Variants in OCA2 observed in about 807,000 individuals in gnomAD.
OCA2 encodes the protein OCA2 melanosomal transmembrane protein.
In OCA2, 77 loss-of-function variants were observed where a neutral mutation model predicts 100.2. The ratio of observed to expected loss-of-function variants is 0.77; its 90% CI spans 0.64 to 0.93. The LOEUF (loss-of-function observed/expected upper bound fraction) is 0.93. OCA2 is among the 40% of genes least tolerant of loss of function. The pLI, the probability that OCA2 is intolerant of heterozygous loss-of-function variation, is 0.00. For missense variants in OCA2, 1,062 were observed against 1,089.1 expected (o/e 0.98, Z 0.35); for synonymous variants, 432 against 439.2 (o/e 0.98, Z 0.21).
chr15:28,088,316 TCAAGA>T (rs1217681137), intron 1 of OCA2, among the ~76,000 whole-genome samples: 1 of 152,200 alleles, frequency 6.6e-6, no homozygotes, highest in Non-Finnish European at 1.5e-5. Flanking sequence ...GAGGGAATCA[TCAAGA>T]CAATTCTATA....
intron 2 of OCA2, among the ~76,000 whole-genome samples, chr15:28,066,055 T>C (rs2141710010): frequency 6.6e-6 from 1 of 152,304 alleles, no homozygotes; most frequent in East Asian, 1.9e-4. Context: ...ACTTAATAAG[T>C]TACTTTAGCA....
At chr15:28,071,735 G>C (rs577350638) in intron 2 of OCA2, among the ~76,000 whole-genome samples, 1 of 152,284 alleles carries the variant, frequency 6.6e-6, no homozygotes, top group East Asian at 1.9e-4. Flanking sequence ...ATTGAAGCTG[G>C]ACCCCTACCT....
chr15:27,849,837 A>C (rs1176557984), intron 22 of OCA2, among the ~76,000 whole-genome samples: 1 of 152,140 alleles, frequency 6.6e-6, no homozygotes, highest in East Asian at 1.9e-4. Context: ...ATTTTACCAT[A>C]ATTTCTGTAA....
chr15:27,951,401 G>A (rs2040022120), intron 18 of OCA2, among the ~76,000 whole-genome samples: 2 of 152,246 alleles, frequency 1.3e-5, no homozygotes, highest in South Asian at 4.1e-4. Context: ...GGCATGGTAG[G>A]CGGCACAGAT....
intron 19 of OCA2, among the ~76,000 whole-genome samples, chr15:27,918,742 G>T (rs2038758758): frequency 6.6e-6 from 1 of 152,082 alleles, no homozygotes; most frequent in East Asian, 1.9e-4. Flanking sequence ...ACATGTACCT[G>T]CACTATTGGA....
chr15:27,923,392 T>C (rs927645409), intron 19 of OCA2, among the ~76,000 whole-genome samples: 2 of 152,204 alleles, frequency 1.3e-5, no homozygotes, highest in African/African-American at 4.8e-5. Context: ...CTGAGTCAAA[T>C]GGCAATTCAG....
At chr15:27,846,825 G>C (rs989645407) in intron 22 of OCA2, among the ~76,000 whole-genome samples, 2 of 152,174 alleles carry the variant, frequency 1.3e-5, no homozygotes, top group African/African-American at 4.8e-5. Context: ...TACCGCCTGG[G>C]GCCTGCATGA....
intron 3 of OCA2, among the ~76,000 whole-genome samples, chr15:28,031,167 T>A (rs1158154698): frequency 6.6e-6 from 1 of 152,208 alleles, no homozygotes; most frequent in Non-Finnish European, 1.5e-5. Flanking sequence ...TCCTTCTACA[T>A]TTCTTTGTTT....
At chr15:28,018,941 A>G (rs952786051) in intron 6 of OCA2, among the ~76,000 whole-genome samples, 1 of 151,732 alleles carries the variant, frequency 6.6e-6, no homozygotes, top group Non-Finnish European at 1.5e-5. Flanking sequence ...TCAGGACCCC[A>G]CTCTTCATCA....
chr15:27,805,264 T>C (rs766536698), intron 23 of OCA2, among the ~76,000 whole-genome samples: 32 of 152,360 alleles, frequency 2.1e-4, no homozygotes, highest in Non-Finnish European at 3.8e-4. Context: ...CCGCCGTCTT[T>C]ACATTTTCAT....
chr15:27,954,150 CACACACA>C (rs759652205), intron 17 of OCA2, among the ~76,000 whole-genome samples: 3 of 147,744 alleles, frequency 2.0e-5, no homozygotes, highest in Non-Finnish European at 4.5e-5. Flanking sequence ...CACACACACA[CACACACA>C]CACCTAGGGT....
At chr15:28,072,212 A>G (rs894109374) in intron 2 of OCA2, among the ~76,000 whole-genome samples, 7 of 151,824 alleles carry the variant, frequency 4.6e-5, no homozygotes, top group Non-Finnish European at 8.8e-5. Context: ...CTAAAAATAC[A>G]AAAAAATTAG....
intron 18 of OCA2, among the ~76,000 whole-genome samples, chr15:27,946,964 C>T (rs555369816): frequency 1.3e-5 from 2 of 152,198 alleles, no homozygotes; most frequent in African/African-American, 4.8e-5. Context: ...GAAGGAGTGC[C>T]GCTCAGAGAG....
chr15:27,963,353 C>G (rs774408665), intron 15 of OCA2, among the ~76,000 whole-genome samples: 3 of 152,096 alleles, frequency 2.0e-5, no homozygotes, highest in Non-Finnish European at 4.4e-5. Context: ...CTAGTGCACA[C>G]AGAATGTTTA....
At chr15:28,077,855 G>C (rs2044482288) in intron 2 of OCA2, among the ~76,000 whole-genome samples, 1 of 152,202 alleles carries the variant, frequency 6.6e-6, no homozygotes, top group African/African-American at 2.4e-5. Context: ...ACCGAGGCAG[G>C]TGGATCACGA....
At chr15:27,722,533 GA>G in the OCA2 span, among the ~76,000 whole-genome samples, 6 of 152,064 alleles carry the variant, frequency 3.9e-5, no homozygotes, top group Non-Finnish European at 8.8e-5. Context: ...AAACCCACAG[GA>G]TCCTAACTGT....
chr15:28,091,247 A>G (rs981555090), intron 1 of OCA2, among the ~76,000 whole-genome samples: 1 of 152,254 alleles, frequency 6.6e-6, no homozygotes, highest in Non-Finnish European at 1.5e-5. Context: ...GAATTCTACC[A>G]AACATTTAAC....
At chr15:27,967,153 G>A (rs1030291901) in intron 14 of OCA2, among the ~76,000 whole-genome samples, 1 of 151,968 alleles carries the variant, frequency 6.6e-6, no homozygotes, top group Non-Finnish European at 1.5e-5. Flanking sequence ...AAAAAGAAAC[G>A]GAAGACGGGC....
chr15:27,911,795 C>A (rs1000885450), intron 19 of OCA2, among the ~76,000 whole-genome samples: 3 of 152,082 alleles, frequency 2.0e-5, no homozygotes, highest in Non-Finnish European at 1.5e-5. Flanking sequence ...GGACAAGTAT[C>A]CAAATCACAG....
Sources: gnomAD v4.1 joint callset for allele counts (sites outside exome capture counted in the v4.1 genomes callset) on GRCh38, gnomAD v4.1.1 for gene constraint, MANE v1.5 for transcripts, NCBI Gene and HGNC (gene_info 2026-07-23, HGNC 2026-07-21) for gene names.